GNA15: variants seen among roughly 807,000 people sequenced by gnomAD.
The protein encoded by GNA15 is guanine nucleotide-binding protein subunit alpha-15.
A neutral mutation model predicts 40.1 loss-of-function variants in GNA15; 23 were observed. That is an observed-to-expected ratio of 0.57 (90% CI 0.41 to 0.81). The LOEUF (loss-of-function observed/expected upper bound fraction) is 0.81. GNA15 is among the 40% of genes least tolerant of loss of function. GNA15 has a pLI of 0.00. For missense variants in GNA15, 522 were observed against 515.8 expected, an observed-to-expected ratio of 1.01 and a Z score of -0.12; for synonymous variants, 226 against 210.4, an observed-to-expected ratio of 1.07 and a Z score of -0.64.
rs576228012 is a variant in GNA15, at chr19:3,144,704, A to G, written c.146-3887A>G. 6.5e-4 allele frequency among the ~76,000 whole-genome samples: 96 copies of G among 146,604 alleles called. 1 individual carries two copies. The highest frequency in any genetic ancestry group is 2.3e-3 in the African/African-American group (92 of 39,458). On this transcript the variant is annotated intron_variant, in intron 1 of 6. Coordinates refer to ENST00000262958, the MANE Select transcript of GNA15 (RefSeq NM_002068.4). ...CCACCATGCCCGGTTAATTTTTTGT[A>G]TTTTTAGTAGAGACGGGGTTTCACC...
chr19:3,162,006 C>T (rs112085168), intron 6 of GNA15, among the ~76,000 whole-genome samples: 26,333 of 151,658 alleles, frequency 0.17, 2,462 homozygotes, highest in African/African-American at 0.19. Flanking sequence ...TCACTCCAAC[C>T]TGGGTGACAG....
chr19:3,154,227 G>A (rs1031224105), intron 4 of GNA15, among the ~76,000 whole-genome samples: 17 of 148,554 alleles, frequency 1.1e-4, no homozygotes, highest in African/African-American at 4.2e-4. Context: ...ATGGATGGAT[G>A]AATGAATGGG....
In GNA15 at chr19:3,136,127, C is replaced by T. The variant is rs560763626; in HGVS notation, c.-324C>T. The T allele has an allele frequency of 2.1e-4, 43 of 204,138 alleles. No individual in the cohort carries two copies. In the East Asian group the frequency reaches 5.2e-3, roughly 25 times the overall value. 12.6% of individuals were successfully genotyped at this position (204,138 alleles called of 1,614,324 possible). ...CCCGCCCTCCCTGGGGCCCCCACCT[C>T]ACCCTCTCCTGGCACCCTTCACCGT... On this transcript the variant is annotated 5_prime_UTR_variant, in exon 1 of 7. Transcript: ENST00000262958. This position sits in a 1 kb window ranked among gnomAD's most constrained non-coding sequence, Gnocchi z 4.9.
At chr19:3,153,692 T>G (rs1459850749) in intron 4 of GNA15, among the ~76,000 whole-genome samples, 4 of 139,538 alleles carry the variant, frequency 2.9e-5, no homozygotes, top group African/African-American at 1.1e-4. Context: ...GATAGATGGA[T>G]GGGTGGGTGG....
At position 3,157,661 on chromosome 19, in the gene GNA15, G is replaced by A. The variant is rs572439037; in HGVS notation, c.745-67G>A. The A allele has an allele frequency of 6.4e-4, 929 of 1,450,968 alleles. 1 individual carries two copies. The highest frequency in any genetic ancestry group is 8.3e-4 in the Non-Finnish European group (861 of 1,039,586). The allele number at this position is 1,450,968 out of a possible 1,614,324, so 89.9% of individuals were successfully genotyped here. A position where few individuals can be genotyped will look rare whatever the true frequency, so the allele number is the denominator to read the frequency against. Reference sequence around the variant, plus strand: ...CCCTGGAGCCAACAGCCCCGTCTCCGCGATGGGAGGGTTTCCTGTCCCACC... The same window carrying A: ...CCCTGGAGCCAACAGCCCCGTCTCCACGATGGGAGGGTTTCCTGTCCCACC... On this transcript the variant is annotated intron_variant, in intron 5 of 6. Transcript: ENST00000262958.
At chr19:3,159,662 GC>G (rs1915102775) in intron 6 of GNA15, among the ~76,000 whole-genome samples, 2 of 152,180 alleles carry the variant, frequency 1.3e-5, no homozygotes, top group Admixed American at 1.3e-4. Context: ...AATTTTTAAA[GC>G]AGAGCTTTGA....
In GNA15 at chr19:3,143,509, G is replaced by A. The variant is rs574499689; in HGVS notation, c.146-5082G>A. On this transcript the variant is annotated intron_variant, in intron 1 of 6. Coordinates refer to ENST00000262958, the MANE Select transcript of GNA15 (RefSeq NM_002068.4). The stretch of plus-strand genomic sequence containing the variant: ...TCTACTAAAAATACAAAAATTAGCC[G>A]GACACGGTGGTGCACACCTGTAATG... Among the ~76,000 whole-genome samples, 9 of 152,070 alleles carry A rather than the reference G, an allele frequency of 5.9e-5. No individual in the cohort carries two copies. In the South Asian group the frequency reaches 1.5e-3, roughly 25 times the overall value.
rs1467225533 is a variant in GNA15 at position 3,150,302 on chromosome 19, CG to C, written c.485+22del. 1.3e-6 allele frequency: 2 copies of C among 1,529,874 alleles called. No individual in the cohort carries two copies. Among genetic ancestry groups the C allele is most frequent in the Non-Finnish European group, 8.8e-7 (1 of 1,137,144 alleles). 94.8% of individuals were successfully genotyped at this position (1,529,874 alleles called of 1,614,324 possible). On this transcript the variant is annotated intron_variant, in intron 3 of 6. Coordinates refer to ENST00000262958, the MANE Select transcript of GNA15 (RefSeq NM_002068.4). ...AGCCGTGTAGTGAGTCTGGGGTCTG[CG>C]GGGGATGGGCGCGTGGGGAGGGGCT... is the stretch of plus-strand genomic sequence containing the variant.
intron 1 of GNA15, among the ~76,000 whole-genome samples, chr19:3,145,536 G>A (rs957407509): frequency 2.1e-5 from 2 of 97,012 alleles, no homozygotes; most frequent in African/African-American, 8.6e-5. Flanking sequence ...CTAAGTTGCA[G>A]ACCTGGTACC....
At chr19:3,156,532 G>T (rs62127302) in intron 5 of GNA15, among the ~76,000 whole-genome samples, 5 of 152,158 alleles carry the variant, frequency 3.3e-5, no homozygotes, top group Non-Finnish European at 7.4e-5. Context: ...GCACGCACAC[G>T]CACAGGCTGG....
Position 3,151,198 on chromosome 19 carries a change from C to A in GNA15, c.486-509C>A, listed in dbSNP as rs1178085894. 1.5e-5 allele frequency among the ~76,000 whole-genome samples: 2 copies of A among 134,660 alleles called. No individual in the cohort carries two copies. The highest frequency in any genetic ancestry group is 2.8e-5 in the African/African-American group (1 of 35,390). The allele number at this position is 134,660 out of a possible 152,430, so 88.3% of individuals were successfully genotyped here. ...GAGTGACCCTGTTTCTGAGGGGACC[C>A]TATTCTGGGGGGACCCTGTTCCTGG... On this transcript the variant is annotated intron_variant, in intron 3 of 6. Coordinates refer to ENST00000262958, the MANE Select transcript of GNA15 (RefSeq NM_002068.4). This position sits in a 1 kb window ranked among gnomAD's most constrained non-coding sequence, Gnocchi z 5.0.
At chr19:3,138,247 C>A (rs1914495953) in intron 1 of GNA15, among the ~76,000 whole-genome samples, 1 of 151,726 alleles carries the variant, frequency 6.6e-6, no homozygotes. Flanking sequence ...GCCTGGGCAA[C>A]AAGAACAAAA....
In GNA15 at chr19:3,138,169, G is replaced by A. The variant is rs1914494322; in HGVS notation, c.145+1574G>A. On this transcript the variant is annotated intron_variant, in intron 1 of 6. Coordinates refer to ENST00000262958, the MANE Select transcript of GNA15 (RefSeq NM_002068.4). ...TAATCCCAGCTACTGGGGAGGCTGA[G>A]GCAGGAGAATCGCTTGAAACCAGGA... Among the ~76,000 whole-genome samples, 7 of 152,254 alleles carry A rather than the reference G, an allele frequency of 4.6e-5. No individual in the cohort carries two copies. In the South Asian group the frequency reaches 1.4e-3, roughly 32 times the overall value.
rs1914448754 is a variant in GNA15, at chr19:3,136,070, C to A, written c.-381C>A. The A allele has an allele frequency of 1.1e-5, 2 of 181,576 alleles. No homozygotes were observed. The highest frequency in any genetic ancestry group is 6.0e-5 in the Admixed American group (1 of 16,790). 11.2% of individuals were successfully genotyped at this position (181,576 alleles called of 1,614,324 possible). Reference sequence around the variant, plus strand: ...AAGGGCCCTGCTGGTCACACAGGACCCAGTCTGCGGTGGGGGTTTTCCCGC... The same window carrying A: ...AAGGGCCCTGCTGGTCACACAGGACACAGTCTGCGGTGGGGGTTTTCCCGC... On this transcript the variant is annotated 5_prime_UTR_variant, in exon 1 of 7. Transcript: ENST00000262958. The surrounding 1 kb of genome is among the most constrained non-coding windows in gnomAD (Gnocchi z 4.9).
chr19:3,161,593 G>A (rs147306395), intron 6 of GNA15, among the ~76,000 whole-genome samples: 30 of 152,184 alleles, frequency 2.0e-4, no homozygotes, highest in African/African-American at 6.5e-4. Context: ...TTGCCAAGCA[G>A]CCCTGGGAAT....
chr19:3,157,861 C>T lies in GNA15; in HGVS notation c.878C>T (p.Thr293Ile). Reference protein sequence around the residue: ...EEKIPTSHLATYFPSFQGPKQ... With the variant: ...EEKIPTSHLAIYFPSFQGPKQ... ...AAAATCCCCACCTCCCACCTGGCTACCTATTTCCCCAGTTTCCAGGGTAAG... is the reference window on the plus strand; with the variant it reads ...AAAATCCCCACCTCCCACCTGGCTATCTATTTCCCCAGTTTCCAGGGTAAG... Residue 293 changes from threonine to isoleucine, a missense_variant, in exon 6 of 7, where the codon ACC becomes ATC. Transcript: ENST00000262958. 6.2e-7 allele frequency: 1 copy of T among 1,613,430 alleles called. No homozygotes were observed.
intron 1 of GNA15, among the ~76,000 whole-genome samples, chr19:3,141,191 C>T (rs980401269): frequency 1.3e-5 from 2 of 152,088 alleles, no homozygotes; most frequent in East Asian, 1.9e-4. Flanking sequence ...TATGGTGGCA[C>T]ATACCTGTAG....
At chr19:3,162,688 G>C (rs140354406) in intron 6 of GNA15, 105 bp from the exon 7 acceptor site, 6 of 693,512 alleles carry the variant, frequency 8.7e-6, no homozygotes, top group Non-Finnish European at 1.5e-5. Flanking sequence ...TGACAGGCGC[G>C]ATCCCTGGGT....
chr19:3,146,926 A>C (rs1162786809), intron 1 of GNA15, among the ~76,000 whole-genome samples: 4 of 124,578 alleles, frequency 3.2e-5, no homozygotes, highest in Non-Finnish European at 1.7e-5. Context: ...CCCCCTCCTC[A>C]CTCTGCTCCA....
Sources: gnomAD v4.1 joint callset for allele counts (sites outside exome capture counted in the v4.1 genomes callset) on GRCh38, gnomAD v4.1.1 for gene constraint, Gnocchi (gnomAD v3.1) non-coding constraint, MANE v1.5 for transcripts, NCBI Gene and HGNC (gene_info 2026-07-23, HGNC 2026-07-21) for gene names.